FAM3B: variants seen among roughly 807,000 people sequenced by gnomAD.
FAM3B encodes the protein protein FAM3B.
A neutral mutation model predicts 28.4 loss-of-function variants in FAM3B; 29 were observed. The ratio of observed to expected loss-of-function variants is 1.02; its 90% CI spans 0.76 to 1.39. The LOEUF is 1.39. Ranked by LOEUF, FAM3B falls within the 40% of genes most tolerant of loss-of-function variation. The probability of loss-of-function intolerance (pLI) is 0.00; values close to 1 mark genes in which losing one functional copy is unlikely to be tolerated. For synonymous variants in FAM3B, 91 were observed against 103.0 expected (o/e 0.88, Z 0.71); for missense variants, 266 against 293.9 (o/e 0.91, Z 0.69).
At chr21:41,336,787 A>T (rs1310345504) in intron 2 of FAM3B, among the ~76,000 whole-genome samples, 1 of 152,172 alleles carries the variant, frequency 6.6e-6, no homozygotes, top group African/African-American at 2.4e-5. Context: ...CACAATTGTT[A>T]TGTCTTCTTG....
At chr21:41,344,449 C>T (rs1226389092) in intron 3 of FAM3B, 27 bp from the exon 4 acceptor site, 17 of 1,611,592 alleles carry the variant, frequency 1.1e-5, no homozygotes, top group Non-Finnish European at 1.4e-5. Context: ...CCTCTTGGTA[C>T]TTGACTAATG....
chr21:41,322,711 A>G (rs1436006547), intron 1 of FAM3B: 1 of 737,428 alleles, frequency 1.4e-6, no homozygotes, highest in Non-Finnish European at 2.5e-6. Flanking sequence ...CCTGGAAAGC[A>G]TTCCTGTCTT....
chr21:41,346,782 G>C (rs564536703), intron 5 of FAM3B, among the ~76,000 whole-genome samples: 1 of 152,210 alleles, frequency 6.6e-6, no homozygotes, highest in African/African-American at 2.4e-5. Flanking sequence ...GCAAGTGTTA[G>C]GTTCTTTTCC....
chr21:41,323,059 CCTCAAAGGTGAGTGCCG>C lies in FAM3B; in HGVS notation c.157_163+10del. 1 of 1,604,538 alleles carries C rather than the reference CCTCAAAGGTGAGTGCCG, an allele frequency of 6.2e-7. No individual in the cohort carries two copies. Reference sequence around the variant, plus strand: ...TCCGCAGCATCGGGGAGAGGCCTGTCCTCAAAGGTGAGTGCCGTGCTTGGGGCAGACGGCTGCCTTCA... The same window carrying C: ...TCCGCAGCATCGGGGAGAGGCCTGTCTGCTTGGGGCAGACGGCTGCCTTCA... On this transcript the variant is annotated splice_donor_variant and splice_donor_5th_base_variant and coding_sequence_variant and intron_variant, in exon 2 of 8. Coordinates refer to ENST00000357985, the MANE Select transcript of FAM3B (RefSeq NM_058186.4). LOFTEE classifies it high-confidence loss of function.
intron 6 of FAM3B, 83 bp from the exon 7 acceptor site, chr21:41,348,509 A>G: frequency 6.6e-7 from 1 of 1,525,330 alleles, no homozygotes. Flanking sequence ...CCAAGGATGC[A>G]CAGCGTAACA....
intron 1 of FAM3B, among the ~76,000 whole-genome samples, chr21:41,309,132 C>T (rs1191556766): frequency 6.6e-6 from 1 of 152,180 alleles, no homozygotes; most frequent in African/African-American, 2.4e-5. Flanking sequence ...GACAGGGTGG[C>T]CAGGGATTTC....
intron 1 of FAM3B, 65 bp downstream of exon 1, chr21:41,316,963 G>T: frequency 8.0e-7 from 1 of 1,245,426 alleles, no homozygotes; most frequent in Non-Finnish European, 1.0e-6. Flanking sequence ...GGGAAGCGTC[G>T]CTCCCCAACC....
intron 2 of FAM3B, among the ~76,000 whole-genome samples, chr21:41,335,891 C>T (rs2088951300): frequency 6.6e-6 from 1 of 152,152 alleles, no homozygotes; most frequent in East Asian, 1.9e-4. Context: ...GGATGGAATG[C>T]TCTGTATGTC....
intron 1 of FAM3B, among the ~76,000 whole-genome samples, chr21:41,307,536 T>C (rs898213245): frequency 3.3e-5 from 5 of 152,274 alleles, no homozygotes; most frequent in African/African-American, 1.2e-4. Context: ...TATTGGCTTT[T>C]AATATGCCTT....
chr21:41,319,315 G>C (rs1340098885), intron 1 of FAM3B: 2 of 152,242 alleles, frequency 1.3e-5, no homozygotes, highest in African/African-American at 4.8e-5. Flanking sequence ...AGACACGCTA[G>C]AGGTGAGTCT....
upstream of FAM3B, chr21:41,316,681 G>C (rs1281964218): frequency 1.9e-5 from 8 of 410,554 alleles, no homozygotes; most frequent in Non-Finnish European, 3.4e-5. Flanking sequence ...ACAGCCCCGC[G>C]CACCTGCCCC....
intron 2 of FAM3B, among the ~76,000 whole-genome samples, chr21:41,336,073 G>C (rs74429817): frequency 0.049 from 7,464 of 152,186 alleles, 452 homozygotes; most frequent in African/African-American, 0.14. Context: ...CTCTACGAAT[G>C]GTATTAGCAC....
intron 3 of FAM3B, among the ~76,000 whole-genome samples, chr21:41,339,866 C>T (rs561500542): frequency 9.9e-5 from 15 of 152,038 alleles, no homozygotes; most frequent in East Asian, 1.9e-4. Flanking sequence ...GAAATTGGCT[C>T]ATGCAATTAT....
chr21:41,309,982 G>A (rs2088700858), intron 1 of FAM3B, among the ~76,000 whole-genome samples: 1 of 152,166 alleles, frequency 6.6e-6, no homozygotes, highest in African/African-American at 2.4e-5. Context: ...TTTTATGTAG[G>A]CTAAGCTTTC....
intron 1 of FAM3B, among the ~76,000 whole-genome samples, chr21:41,310,406 G>T (rs887467042): frequency 6.6e-6 from 1 of 152,192 alleles, no homozygotes; most frequent in South Asian, 2.1e-4. Context: ...AACCCCGTGA[G>T]CTACTGCCTC....
At chr21:41,314,531 C>G (rs943813731), upstream of FAM3B, among the ~76,000 whole-genome samples, 1 of 152,100 alleles carries the variant, frequency 6.6e-6, no homozygotes, top group Non-Finnish European at 1.5e-5. Context: ...AACAGTAGTT[C>G]TTGCTATTGA....
At chr21:41,322,847 AG>A (rs1443925521) in intron 1 of FAM3B, 75 bp from the exon 2 acceptor site, 4 of 1,611,202 alleles carry the variant, frequency 2.5e-6, no homozygotes, top group African/African-American at 2.7e-5. Flanking sequence ...GAAAAGCCAC[AG>A]GGGGGATGGG....
In FAM3B at chr21:41,326,564, A is replaced by G. The variant is rs2088856331; in HGVS notation, c.163+3498A>G. On this transcript the variant is annotated intron_variant, in intron 2 of 7. Coordinates refer to ENST00000357985, the MANE Select transcript of FAM3B (RefSeq NM_058186.4). This position sits in a 1 kb window ranked among gnomAD's most constrained non-coding sequence, Gnocchi z 4.0. Reference sequence around the variant, plus strand: ...GCAGAGCGCCAGGGGCTGCAAGTCTAGAAGCTGGGGAGGAGGCCATGCTCA... The same window carrying G: ...GCAGAGCGCCAGGGGCTGCAAGTCTGGAAGCTGGGGAGGAGGCCATGCTCA... Among the ~76,000 whole-genome samples, 1 of 152,228 alleles carries G rather than the reference A, an allele frequency of 6.6e-6. No homozygotes were observed. Among genetic ancestry groups the G allele is most frequent in the African/African-American group, 2.4e-5 (1 of 41,470 alleles).
chr21:41,329,694 C>A (rs2088887521), intron 2 of FAM3B, among the ~76,000 whole-genome samples: 1 of 152,108 alleles, frequency 6.6e-6, no homozygotes, highest in Admixed American at 6.5e-5. Context: ...CTCAGCCTCC[C>A]AAGTAGCTGG....
Sources: allele counts gnomAD v4.1 joint callset (sites outside exome capture counted in the v4.1 genomes callset), GRCh38; gene constraint gnomAD v4.1.1; non-coding constraint Gnocchi (gnomAD v3.1); transcripts MANE v1.5; gene names NCBI Gene and HGNC (gene_info 2026-07-23, HGNC 2026-07-21).